Variants in MOCOS observed in about 807,000 individuals in gnomAD.
The protein encoded by MOCOS is human molybdenum cofactor sulfurase.
In MOCOS, 86 loss-of-function variants were observed where a neutral mutation model predicts 83.6. The observed-to-expected ratio is 1.03, with a 90% CI of 0.86 to 1.23. The LOEUF is 1.23. MOCOS is among the 50% of genes most tolerant of loss of function. The pLI is 0.00. For synonymous variants in MOCOS, 445 were observed against 434.7 expected, an observed-to-expected ratio of 1.02 and a Z score of -0.29; for missense variants, 1,120 against 1,126.9, an observed-to-expected ratio of 0.99 and a Z score of 0.09.
At position 36,218,842 on chromosome 18, in the gene MOCOS, T is replaced by C. The variant is rs953957515; in HGVS notation, c.1798-1213T>C. 5.7e-5 allele frequency among the ~76,000 whole-genome samples: 6 copies of C among 105,148 alleles called. No individual in the cohort carries two copies. In the Admixed American group the frequency reaches 6.1e-4, roughly 11 times the overall value. 69.0% of individuals were successfully genotyped at this position (105,148 alleles called of 152,430 possible). ...GCTCTACTCACTTTATTTTATTTTA[T>C]TTATTTATTTATTTATTTATTTATT... On this transcript the variant is annotated intron_variant, in intron 8 of 14. Transcript: ENST00000261326.
At chr18:36,218,392 T>C (rs2091482820) in intron 8 of MOCOS, among the ~76,000 whole-genome samples, 2 of 152,080 alleles carry the variant, frequency 1.3e-5, no homozygotes, top group African/African-American at 4.8e-5. Context: ...GTACCTTATC[T>C]TCCGGGTCTT....
chr18:36,262,250 T>TACACACACACACACACACACAC (rs71168212), intron 13 of MOCOS, among the ~76,000 whole-genome samples: 28,463 of 127,688 alleles, frequency 0.22, 3,853 homozygotes, highest in African/African-American at 0.23. Flanking sequence ...CGTCTCTCTC[T>TACACACACACACACACACACAC]ACACACACAC....
intron 10 of MOCOS, 76 bp downstream of exon 10, chr18:36,249,076 T>C: frequency 8.0e-7 from 1 of 1,253,540 alleles, no homozygotes; most frequent in African/African-American, 1.5e-5. Context: ...TAATGCCCTA[T>C]GCAATCTATC....
intron 9 of MOCOS, among the ~76,000 whole-genome samples, chr18:36,222,563 C>A (rs2848584): frequency 0.45 from 68,142 of 151,368 alleles, 16,547 homozygotes; most frequent in Admixed American, 0.54. Context: ...CCTAGAAATA[C>A]CTATTCAGGT....
chr18:36,190,972 T>C (rs1443467123), intron 1 of MOCOS, among the ~76,000 whole-genome samples: 5 of 134,414 alleles, frequency 3.7e-5, no homozygotes, highest in South Asian at 4.7e-4. Flanking sequence ...TGAGCCAAGA[T>C]TGAGCCCCTG....
intron 9 of MOCOS, among the ~76,000 whole-genome samples, chr18:36,234,750 G>A (rs553680572): frequency 4.6e-5 from 7 of 152,234 alleles, no homozygotes; most frequent in African/African-American, 1.7e-4. Flanking sequence ...AAAGGAAAGA[G>A]GTTCAATTGA....
Position 36,200,169 on chromosome 18 carries a change from C to T in MOCOS, c.786C>T (p.Phe262=). 35 of 1,614,212 alleles carry T rather than the reference C, an allele frequency of 2.2e-5. No individual in the cohort carries two copies. The highest frequency in any genetic ancestry group is 3.0e-5 in the Non-Finnish European group (35 of 1,180,038). ...AHQADFVPIS[F]YKIFGFPTGL... is the part of the protein sequence containing the mutation. ...AGGCCGACTTTGTCCCCATCTCCTTCTATAAGATCTTCGGGTTTCCTACAG... is the reference window on the plus strand; with the variant it reads ...AGGCCGACTTTGTCCCCATCTCCTTTTATAAGATCTTCGGGTTTCCTACAG... The change falls in exon 4 of 15, where the codon TTC becomes TTT. Residue 262 remains phenylalanine, a synonymous_variant. Coordinates refer to ENST00000261326, the MANE Select transcript of MOCOS (RefSeq NM_017947.4).
chr18:36,259,927 C>T lies in MOCOS; in HGVS notation c.2271-110C>T, dbSNP rs1047366836. ...TTTTGATTATCCAGGGCACAGGCCA[C>T]AGTAGAGCTGATGAAGTTAGGTGTT... On this transcript the variant is annotated intron_variant, in intron 12 of 14. Transcript: ENST00000261326. 3 of 1,441,400 alleles carry T rather than the reference C, an allele frequency of 2.1e-6. No homozygotes were observed. The South Asian group carries it at 3.5e-5, about 17-fold the overall frequency. The allele number at this position is 1,441,400 out of a possible 1,614,324, so 89.3% of individuals were successfully genotyped here. A position where few individuals can be genotyped will look rare whatever the true frequency, so the allele number is the denominator to read the frequency against.
intron 11 of MOCOS, among the ~76,000 whole-genome samples, chr18:36,254,609 ACACAC>A (rs2091635204): frequency 6.6e-6 from 1 of 150,538 alleles, no homozygotes; most frequent in African/African-American, 2.4e-5. Context: ...ATATATATAC[ACACAC>A]ACATATATAT....
At chr18:36,188,316 C>G (rs944072995) in intron 1 of MOCOS, among the ~76,000 whole-genome samples, 32 of 152,358 alleles carry the variant, frequency 2.1e-4, no homozygotes, top group African/African-American at 7.0e-4. Flanking sequence ...GCAAACAGTG[C>G]AATTTCACCT....
intron 6 of MOCOS, among the ~76,000 whole-genome samples, chr18:36,207,190 C>A (rs761726477): frequency 6.6e-6 from 1 of 152,138 alleles, no homozygotes; most frequent in South Asian, 2.1e-4. Flanking sequence ...ATGTGCACCA[C>A]TACGCCCGGT....
chr18:36,251,177 T>C lies in MOCOS; in HGVS notation c.2058T>C (p.Cys686=), dbSNP rs147181454. Residue 686 remains cysteine (C), a synonymous_variant, in exon 11 of 15, where the codon TGT becomes TGC. Coordinates refer to ENST00000261326, the MANE Select transcript of MOCOS (RefSeq NM_017947.4). Reference sequence around the variant, plus strand: ...TTGCCAGAGTAAGTACTTATGATTGTGGAGAAAAAATTTCAAGCTGGTTGT... The same window carrying C: ...TTGCCAGAGTAAGTACTTATGATTGCGGAGAAAAAATTTCAAGCTGGTTGT... ...VCADRVSTYD[C]GEKISSWLST... is the part of the protein sequence containing the mutation. 17 of 1,613,496 alleles carry C rather than the reference T, an allele frequency of 1.1e-5. No homozygotes were observed. In the East Asian group the frequency reaches 3.1e-4, roughly 30 times the overall value.
intron 1 of MOCOS, 41 bp from the exon 2 acceptor site, chr18:36,195,216 T>A: frequency 1.3e-6 from 2 of 1,569,248 alleles, no homozygotes; most frequent in Non-Finnish European, 8.8e-7. Flanking sequence ...ACAAACCAGA[T>A]TCAGGTAAAA....
intron 1 of MOCOS, among the ~76,000 whole-genome samples, chr18:36,194,592 A>G (rs974018847): frequency 4.6e-5 from 7 of 152,220 alleles, no homozygotes; most frequent in African/African-American, 1.7e-4. Context: ...GGGTGTGTAC[A>G]TTTTAAAGCA....
In MOCOS at chr18:36,219,195, T is replaced by TTA. The variant is rs1224471988; in HGVS notation, c.1798-859_1798-858insAT. Among the ~76,000 whole-genome samples the TTA allele has an allele frequency of 1.1e-4, 16 of 150,538 alleles. 1 individual carries two copies. The highest frequency in any genetic ancestry group is 2.9e-4 in the African/African-American group (12 of 40,890). ...TATTATTATTATTATTTTATTTTAT[T>TTA]TTTTTTTTTGACACAGAGTCTCACT... On this transcript the variant is annotated intron_variant, in intron 8 of 14. Coordinates refer to ENST00000261326, the MANE Select transcript of MOCOS (RefSeq NM_017947.4).
At chr18:36,203,387 G>GT (rs536760814) in intron 5 of MOCOS, among the ~76,000 whole-genome samples, 198 bp downstream of exon 5, 57 of 152,230 alleles carry the variant, frequency 3.7e-4, no homozygotes, top group African/African-American at 7.2e-4. Context: ...ATTGTTTTTT[G>GT]TTTTTTCAGC....
intron 1 of MOCOS, among the ~76,000 whole-genome samples, chr18:36,194,709 G>T (rs1482619154): frequency 6.6e-6 from 1 of 152,218 alleles, no homozygotes; most frequent in Non-Finnish European, 1.5e-5. Context: ...ACACAGTGAG[G>T]AATCCAACCA....
intron 7 of MOCOS, 90 bp from the exon 8 acceptor site, chr18:36,215,425 TA>T: frequency 7.8e-7 from 1 of 1,279,748 alleles, no homozygotes; most frequent in South Asian, 1.3e-5. Flanking sequence ...GGGTTAATTT[TA>T]AAATTAACAA....
At chr18:36,199,518 C>A (rs1459589915) in intron 3 of MOCOS, among the ~76,000 whole-genome samples, 165 bp from the exon 4 acceptor site, 7 of 152,238 alleles carry the variant, frequency 4.6e-5, no homozygotes, top group Admixed American at 6.5e-5. Context: ...CCAACTGGAA[C>A]TCGTTCCCAC....
Sources: allele counts gnomAD v4.1 joint callset (sites outside exome capture counted in the v4.1 genomes callset), GRCh38; gene constraint gnomAD v4.1.1; transcripts MANE v1.5; gene names NCBI Gene and HGNC (gene_info 2026-07-23, HGNC 2026-07-21).